LINGO2: variants seen among roughly 807,000 people sequenced by gnomAD.
LINGO2 encodes leucine rich repeat and Ig domain containing 2, also known as leucine-rich repeat and immunoglobulin-like domain-containing nogo receptor-interacting protein 2.
Under a neutral mutation model 30.6 loss-of-function variants are expected in LINGO2, and 14 were observed. The observed-to-expected ratio is 0.46, with a 90% CI of 0.30 to 0.72. The LOEUF is 0.72. Among genes scored for constraint, LINGO2 ranks in the 30% least tolerant of loss-of-function variants. LINGO2 has a pLI of 0.07. For synonymous variants in LINGO2, 317 were observed against 288.5 expected (o/e 1.10, Z -1.00); for missense variants, 729 against 751.7 (o/e 0.97, Z 0.35).
At chr9:28,556,674 A>G (rs1276138122) in intron 1 of LINGO2, among the ~76,000 whole-genome samples, 1 of 152,040 alleles carries the variant, frequency 6.6e-6, no homozygotes, top group Non-Finnish European at 1.5e-5. Flanking sequence ...ACCAAAAAAG[A>G]GCCCGCATCT....
chr9:29,196,052 A>C, the LINGO2 span, among the ~76,000 whole-genome samples: 2 of 152,124 alleles, frequency 1.3e-5, no homozygotes, highest in Non-Finnish European at 2.9e-5. Flanking sequence ...CTGAAGGAAA[A>C]TGTTTGATAC....
At chr9:28,890,704 C>T in the LINGO2 span, among the ~76,000 whole-genome samples, 1 of 151,964 alleles carries the variant, frequency 6.6e-6, no homozygotes, top group African/African-American at 2.4e-5. Context: ...AAATCATATG[C>T]TATAAAGGTT....
At chr9:28,676,754 T>C in the LINGO2 span, among the ~76,000 whole-genome samples, 1 of 152,148 alleles carries the variant, frequency 6.6e-6, no homozygotes, top group East Asian at 1.9e-4. Context: ...ATTGGCATTT[T>C]ATTTGCTTTA....
the LINGO2 span, among the ~76,000 whole-genome samples, chr9:28,820,304 C>G: frequency 6.6e-6 from 1 of 150,438 alleles, no homozygotes. Context: ...GTGTCACCCA[C>G]TGAGCAAGCT....
chr9:28,372,782 A>T (rs1339876147), intron 3 of LINGO2, 54 bp downstream of exon 5: 2 of 152,558 alleles, frequency 1.3e-5, no homozygotes, highest in Non-Finnish European at 2.9e-5. Flanking sequence ...TACCCCATAG[A>T]TTTACACAAT....
intron 5 of LINGO2, among the ~76,000 whole-genome samples, chr9:28,002,698 T>C (rs1386426661): frequency 6.6e-6 from 1 of 152,178 alleles, no homozygotes. Context: ...TAACGCCATT[T>C]CAGTCAACAT....
At chr9:28,083,772 A>G (rs1825836152) in intron 4 of LINGO2, among the ~76,000 whole-genome samples, 1 of 152,292 alleles carries the variant, frequency 6.6e-6, no homozygotes, top group Middle Eastern at 3.4e-3. Context: ...GCCATCAGAT[A>G]TATTCATTAA....
chr9:28,721,080 C>T, the LINGO2 span, among the ~76,000 whole-genome samples: 1 of 152,124 alleles, frequency 6.6e-6, no homozygotes, highest in Admixed American at 6.6e-5. Flanking sequence ...AGCTCATCAT[C>T]ACTGGATATT....
At chr9:28,919,629 C>T in the LINGO2 span, among the ~76,000 whole-genome samples, 1 of 152,194 alleles carries the variant, frequency 6.6e-6, no homozygotes, top group South Asian at 2.1e-4. Flanking sequence ...GCTAGGGGTG[C>T]AGGCATGGAC....
intron 5 of LINGO2, among the ~76,000 whole-genome samples, chr9:27,963,040 G>T (rs1281136240): frequency 5.3e-5 from 8 of 152,092 alleles, no homozygotes; most frequent in African/African-American, 1.9e-4. Flanking sequence ...GAAGCAACAT[G>T]AAAGACTAAA....
At chr9:28,346,962 C>G (rs1819603038) in intron 3 of LINGO2, among the ~76,000 whole-genome samples, 1 of 150,956 alleles carries the variant, frequency 6.6e-6, no homozygotes, top group African/African-American at 2.4e-5. Context: ...CAAATATTTT[C>G]TCCCATTCTG....
chr9:28,687,221 G>A, the LINGO2 span, among the ~76,000 whole-genome samples: 6 of 152,058 alleles, frequency 3.9e-5, no homozygotes, highest in Non-Finnish European at 8.8e-5. Flanking sequence ...ATTTACATAG[G>A]TAAGAAATAT....
chr9:28,092,736 A>C (rs1013571325), intron 4 of LINGO2, among the ~76,000 whole-genome samples: 3 of 152,056 alleles, frequency 2.0e-5, no homozygotes, highest in African/African-American at 7.2e-5. Flanking sequence ...TAATTAAAAA[A>C]GAAAAAACTG....
the LINGO2 span, among the ~76,000 whole-genome samples, chr9:28,995,529 C>G: frequency 0.64 from 97,435 of 151,766 alleles, 32,073 homozygotes; most frequent in Non-Finnish European, 0.72. Flanking sequence ...GGTATATACC[C>G]AAAGGACTAT....
At chr9:28,373,645 A>G (rs1315342779) in intron 2 of LINGO2, among the ~76,000 whole-genome samples, 1 of 152,164 alleles carries the variant, frequency 6.6e-6, no homozygotes, top group African/African-American at 2.4e-5. Context: ...CATGCCTGTA[A>G]TCCGAGCACT....
chr9:29,008,891 A>T, the LINGO2 span, among the ~76,000 whole-genome samples: 4 of 152,190 alleles, frequency 2.6e-5, no homozygotes, highest in African/African-American at 9.6e-5. Flanking sequence ...ATGCAAATCA[A>T]TAAACGTAAT....
chr9:28,118,813 T>C (rs1827008917), intron 4 of LINGO2, among the ~76,000 whole-genome samples: 1 of 152,170 alleles, frequency 6.6e-6, no homozygotes, highest in Non-Finnish European at 1.5e-5. Context: ...GACAAAATAC[T>C]AATAGACAAT....
At chr9:29,196,845 G>A in the LINGO2 span, among the ~76,000 whole-genome samples, 3 of 151,944 alleles carry the variant, frequency 2.0e-5, no homozygotes, top group Non-Finnish European at 4.4e-5. Context: ...CAGAAATAAC[G>A]GAAAATATGT....
chr9:28,855,988 A>G, the LINGO2 span, among the ~76,000 whole-genome samples: 9 of 152,024 alleles, frequency 5.9e-5, no homozygotes, highest in Admixed American at 1.3e-4. Flanking sequence ...ATCAGAATGA[A>G]AGCAAGATAA....
Sources: gnomAD v4.1 joint callset for allele counts (sites outside exome capture counted in the v4.1 genomes callset) on GRCh38, gnomAD v4.1.1 for gene constraint, MANE v1.5 for transcripts, NCBI Gene and HGNC (gene_info 2026-07-23, HGNC 2026-07-21) for gene names.